TMOD3: variants seen among roughly 807,000 people sequenced by gnomAD.
TMOD3 encodes tropomodulin-3.
A neutral mutation model predicts 39.2 loss-of-function variants in TMOD3; 20 were observed. That is an observed-to-expected ratio of 0.51 (90% CI 0.36 to 0.74). TMOD3 has a LOEUF of 0.74. Ranked by LOEUF, TMOD3 falls within the 30% of genes least tolerant of loss-of-function variation. TMOD3 has a pLI of 0.00. For synonymous variants in TMOD3, 143 were observed against 145.8 expected (o/e 0.98, Z 0.14); for missense variants, 381 against 412.8 (o/e 0.92, Z 0.67).
intron 9 of TMOD3, among the ~76,000 whole-genome samples, chr15:51,905,024 A>G (rs1346234785): frequency 6.6e-6 from 1 of 152,226 alleles, no homozygotes; most frequent in East Asian, 1.9e-4. Context: ...ATGAAATGAC[A>G]ATAAGCACAT....
intron 1 of TMOD3, chr15:51,860,966 CCA>C: frequency 1.9e-6 from 1 of 519,424 alleles, no homozygotes; most frequent in Non-Finnish European, 3.7e-6. Context: ...CATAGGAGAG[CCA>C]AAGTTGAACA....
chr15:51,830,773 T>G (rs1177406984), intron 1 of TMOD3, among the ~76,000 whole-genome samples: 4 of 152,164 alleles, frequency 2.6e-5, no homozygotes, highest in Non-Finnish European at 5.9e-5. Context: ...CAGATTAAAT[T>G]GATTAATTGG....
chr15:51,870,292 A>G (rs142138133), intron 3 of TMOD3, among the ~76,000 whole-genome samples: 1 of 152,328 alleles, frequency 6.6e-6, no homozygotes, highest in African/African-American at 2.4e-5. Flanking sequence ...GAAACAGGAT[A>G]AGTTTTTCAG....
rs2056721199 is a variant in TMOD3 at position 51,913,554 on chromosome 15, T to C, written c.*4744T>C. On this transcript the variant is annotated 3_prime_UTR_variant, in exon 10 of 10. Coordinates refer to ENST00000308580, the MANE Select transcript of TMOD3 (RefSeq NM_014547.5). Reference sequence around the variant, plus strand: ...TAATTCAGTTCTATAAGTTCTTCCCTATAAAAAATGAATGAATTAGAAATT... The same window carrying C: ...TAATTCAGTTCTATAAGTTCTTCCCCATAAAAAATGAATGAATTAGAAATT... 1.3e-5 allele frequency: 2 copies of C among 152,216 alleles called. No individual in the cohort carries two copies. Among genetic ancestry groups the C allele is most frequent in the South Asian group, 4.1e-4 (2 of 4,832 alleles). 9.4% of individuals were successfully genotyped at this position (152,216 alleles called of 1,614,324 possible).
intron 1 of TMOD3, among the ~76,000 whole-genome samples, chr15:51,854,480 TG>T (rs1289191183): frequency 2.0e-5 from 3 of 152,144 alleles, no homozygotes; most frequent in Non-Finnish European, 4.4e-5. Flanking sequence ...CCTATGGAAA[TG>T]GTGGTGAAAT....
intron 1 of TMOD3, among the ~76,000 whole-genome samples, chr15:51,849,575 A>C (rs1266881826): frequency 6.6e-6 from 1 of 152,112 alleles, no homozygotes; most frequent in African/African-American, 2.4e-5. Context: ...AGGACCAAGA[A>C]AAAATGATGT....
At chr15:51,891,244 CTTTTT>C (rs56932356) in intron 5 of TMOD3, among the ~76,000 whole-genome samples, 4 of 130,262 alleles carry the variant, frequency 3.1e-5, no homozygotes, top group Admixed American at 1.5e-4. Flanking sequence ...AACCTCTTTC[CTTTTT>C]TTTTTTTTTT....
chr15:51,868,200 C>T lies in TMOD3; in HGVS notation c.127-1017C>T, dbSNP rs748754779. Among the ~76,000 whole-genome samples the T allele has an allele frequency of 2.6e-4, 39 of 152,100 alleles. 1 individual carries two copies. Among genetic ancestry groups the T allele is most frequent in the Middle Eastern group, 3.2e-3 (1 of 316 alleles). ...GAAGTCTGTACAATGAAATGGAAGTCATGAAGGAATATAATGTACAGAGTC... is the reference window on the plus strand; with the variant it reads ...GAAGTCTGTACAATGAAATGGAAGTTATGAAGGAATATAATGTACAGAGTC... On this transcript the variant is annotated intron_variant, in intron 2 of 9. Coordinates refer to ENST00000308580, the MANE Select transcript of TMOD3 (RefSeq NM_014547.5).
chr15:51,866,739 T>G (rs2056448971), intron 2 of TMOD3, among the ~76,000 whole-genome samples: 1 of 152,196 alleles, frequency 6.6e-6, no homozygotes, highest in South Asian at 2.1e-4. Context: ...TTCTAACACC[T>G]TTATTCAGTA....
chr15:51,876,811 C>T (rs1424611969), intron 3 of TMOD3, among the ~76,000 whole-genome samples: 1 of 152,104 alleles, frequency 6.6e-6, no homozygotes, highest in Non-Finnish European at 1.5e-5. Flanking sequence ...TGATGGCTCA[C>T]ACCTGTAATT....
rs1008589713 is a variant in TMOD3, at chr15:51,838,005, G to T, written c.-75+8169G>T. ...AAAGGATTTGAACATGAGAAAGAGTGCAAAAGGACATTTCCTGTGTAATGA... is the reference window on the plus strand; with the variant it reads ...AAAGGATTTGAACATGAGAAAGAGTTCAAAAGGACATTTCCTGTGTAATGA... On this transcript the variant is annotated intron_variant, in intron 1 of 9. Transcript: ENST00000308580. Among the ~76,000 whole-genome samples the T allele has an allele frequency of 2.0e-5, 3 of 152,322 alleles. No homozygotes were observed. In the South Asian group the frequency reaches 6.2e-4, roughly 32 times the overall value.
At chr15:51,870,730 T>A (rs768675703) in intron 3 of TMOD3, among the ~76,000 whole-genome samples, 4 of 152,224 alleles carry the variant, frequency 2.6e-5, no homozygotes, top group Non-Finnish European at 5.9e-5. Context: ...TCTTCATCTC[T>A]TGTTAAGGAT....
Position 51,901,935 on chromosome 15 carries a change from T to C in TMOD3, c.923T>C (p.Met308Thr). The change falls in exon 9 of 10, where the codon ATG becomes ACG. Residue 308 changes from methionine (M) to threonine (T), a missense_variant. Met to Thr is a moderately conservative substitution (Grantham distance 81). Transcript: ENST00000308580. Reference protein sequence around the residue: ...GTAVELEMAKMLEENTNILKF... With the variant: ...GTAVELEMAKTLEENTNILKF... The stretch of plus-strand genomic sequence containing the variant: ...GCTGTAGAATTGGAAATGGCCAAGA[T>C]GCTTGAGGAAAATACAAATATCCTT... 1 of 1,614,190 alleles carries C rather than the reference T, an allele frequency of 6.2e-7. No individual in the cohort carries two copies. Among genetic ancestry groups the C allele is most frequent in the Non-Finnish European group, 8.5e-7 (1 of 1,180,020 alleles).
chr15:51,861,316 T>C (rs1182143466), intron 1 of TMOD3: 4 of 270,616 alleles, frequency 1.5e-5, no homozygotes, highest in South Asian at 9.7e-5. Flanking sequence ...TACAACCCCA[T>C]GGGAGCTTCT....
intron 3 of TMOD3, among the ~76,000 whole-genome samples, chr15:51,886,102 A>G (rs1310370212): frequency 2.0e-5 from 3 of 149,158 alleles, no homozygotes; most frequent in Non-Finnish European, 4.4e-5. Context: ...CACCTCCCAG[A>G]CGGGGTGGCG....
chr15:51,863,998 G>A (rs2056432307), intron 2 of TMOD3, among the ~76,000 whole-genome samples: 1 of 152,142 alleles, frequency 6.6e-6, no homozygotes, highest in African/African-American at 2.4e-5. Flanking sequence ...GTGGCTGGGT[G>A]CTCACGCCTA....
chr15:51,906,976 C>T (rs181407759), intron 9 of TMOD3, among the ~76,000 whole-genome samples: 123 of 149,060 alleles, frequency 8.3e-4, no homozygotes, highest in African/African-American at 2.8e-3. Flanking sequence ...GCCGAGATCG[C>T]GCCATTGCAC....
At position 51,911,747 on chromosome 15, in the gene TMOD3, A is replaced by G. The variant is rs1489833379; in HGVS notation, c.*2937A>G. ...TTCCAGTATTCCTACATGAAATTGTATGTATTAAAAACTCAATATTAGTGG... is the reference window on the plus strand; with the variant it reads ...TTCCAGTATTCCTACATGAAATTGTGTGTATTAAAAACTCAATATTAGTGG... On this transcript the variant is annotated 3_prime_UTR_variant, in exon 10 of 10. Transcript: ENST00000308580. The G allele has an allele frequency of 6.6e-6, 1 of 152,200 alleles. No homozygotes were observed. The highest frequency in any genetic ancestry group is 1.5e-5 in the Non-Finnish European group (1 of 68,030). 9.4% of individuals were successfully genotyped at this position (152,200 alleles called of 1,614,324 possible).
chr15:51,841,677 A>G (rs949019563), intron 1 of TMOD3, among the ~76,000 whole-genome samples: 2 of 151,972 alleles, frequency 1.3e-5, no homozygotes, highest in African/African-American at 4.8e-5. Flanking sequence ...TTCTGCCTCC[A>G]CCCACTCCCA....
Sources: allele counts gnomAD v4.1 joint callset (sites outside exome capture counted in the v4.1 genomes callset), GRCh38; gene constraint gnomAD v4.1.1; transcripts MANE v1.5; gene names NCBI Gene and HGNC (gene_info 2026-07-23, HGNC 2026-07-21).